CCBE1: variants seen among roughly 807,000 people sequenced by gnomAD.
CCBE1 encodes collagen and calcium binding EGF domains 1.
A neutral mutation model predicts 50.0 loss-of-function variants in CCBE1; 37 were observed. That is an observed-to-expected ratio of 0.74 (90% CI 0.57 to 0.97). CCBE1 has a LOEUF of 0.97. Ranked by LOEUF, CCBE1 falls within the 50% of genes least tolerant of loss-of-function variation. The pLI, the probability that CCBE1 is intolerant of heterozygous loss-of-function variation, is 0.00. For missense variants in CCBE1, 538 were observed against 523.8 expected (o/e 1.03, Z -0.26); for synonymous variants, 234 against 203.7 (o/e 1.15, Z -1.27).
chr18:59,465,762 A>C (rs1911712214), intron 5 of CCBE1: 1 of 152,196 alleles, frequency 6.6e-6, no homozygotes, highest in South Asian at 2.1e-4. Context: ...TGTTTACCTT[A>C]CAAGGAGATG....
At chr18:59,515,270 T>C (rs940435462) in intron 2 of CCBE1, among the ~76,000 whole-genome samples, 10 of 152,248 alleles carry the variant, frequency 6.6e-5, no homozygotes, top group Non-Finnish European at 1.0e-4. Context: ...CAGTCATGTT[T>C]TATTTGAAGA....
intron 2 of CCBE1, among the ~76,000 whole-genome samples, chr18:59,578,159 C>T (rs1487301456): frequency 6.6e-5 from 10 of 152,154 alleles, no homozygotes; most frequent in African/African-American, 2.4e-4. Context: ...ACAGACACTT[C>T]TTAAAAGAAG....
intron 7 of CCBE1, among the ~76,000 whole-genome samples, chr18:59,442,858 G>A (rs1197500919): frequency 1.3e-5 from 2 of 152,226 alleles, no homozygotes; most frequent in African/African-American, 4.8e-5. Flanking sequence ...GGAGTTCTCA[G>A]TAGGGGCTGC....
chr18:59,611,279 AAAG>A (rs1476945191), intron 2 of CCBE1, among the ~76,000 whole-genome samples: 1 of 152,254 alleles, frequency 6.6e-6, no homozygotes, highest in Non-Finnish European at 1.5e-5. Context: ...ACTAGAGAGA[AAAG>A]AAAGGAAAGG....
At chr18:59,683,633 G>T (rs916527893) in intron 2 of CCBE1, among the ~76,000 whole-genome samples, 1 of 152,174 alleles carries the variant, frequency 6.6e-6, no homozygotes, top group African/African-American at 2.4e-5. Flanking sequence ...AGGAGGTGGA[G>T]ATTGCTGTGA....
At chr18:59,654,649 G>A (rs1014627987) in intron 2 of CCBE1, among the ~76,000 whole-genome samples, 2 of 151,648 alleles carry the variant, frequency 1.3e-5, no homozygotes, top group Non-Finnish European at 1.5e-5. Flanking sequence ...AAAATTAGCC[G>A]GGCATGGTCG....
At chr18:59,599,975 A>T (rs2053408771) in intron 2 of CCBE1, among the ~76,000 whole-genome samples, 1 of 152,138 alleles carries the variant, frequency 6.6e-6, no homozygotes, top group African/African-American at 2.4e-5. Context: ...ACTCACCCTA[A>T]TCCCACAGAA....
At chr18:59,632,250 G>A (rs1412255875) in intron 2 of CCBE1, among the ~76,000 whole-genome samples, 2 of 152,098 alleles carry the variant, frequency 1.3e-5, no homozygotes, top group Non-Finnish European at 2.9e-5. Context: ...GGCAAGGAAG[G>A]GCTCATTTAT....
At chr18:59,567,308 A>G (rs752855234) in intron 2 of CCBE1, among the ~76,000 whole-genome samples, 1 of 151,730 alleles carries the variant, frequency 6.6e-6, no homozygotes. Context: ...AATTTTTTGT[A>G]TTTTTAGTAG....
At chr18:59,459,655 G>A (rs1911366295) in intron 5 of CCBE1, among the ~76,000 whole-genome samples, 1 of 152,200 alleles carries the variant, frequency 6.6e-6, no homozygotes, top group Admixed American at 6.5e-5. Context: ...ACCAAACAAT[G>A]TTCCTGAAAT....
intron 2 of CCBE1, among the ~76,000 whole-genome samples, chr18:59,551,953 T>C (rs1247197901): frequency 6.6e-6 from 1 of 152,198 alleles, no homozygotes; most frequent in Non-Finnish European, 1.5e-5. Context: ...TATTTGCTCA[T>C]TGCACTCCAT....
At chr18:59,459,624 T>G (rs1300241721) in intron 5 of CCBE1, among the ~76,000 whole-genome samples, 1 of 152,242 alleles carries the variant, frequency 6.6e-6, no homozygotes, top group African/African-American at 2.4e-5. Flanking sequence ...GAAGTTGTAA[T>G]GCCTTAGATA....
At chr18:59,522,038 A>T (rs1213211304) in intron 2 of CCBE1, among the ~76,000 whole-genome samples, 1 of 151,968 alleles carries the variant, frequency 6.6e-6, no homozygotes, top group African/African-American at 2.4e-5. Context: ...TTGAATTATA[A>T]ATCTTTTCTA....
At chr18:59,562,893 A>ATC (rs200758579) in intron 2 of CCBE1, among the ~76,000 whole-genome samples, 19 of 71,750 alleles carry the variant, frequency 2.6e-4, no homozygotes, top group Middle Eastern at 5.4e-3. Context: ...AGAGGTTTCG[A>ATC]TCTCGTTTGT....
chr18:59,534,928 A>G (rs1026660664), intron 2 of CCBE1, among the ~76,000 whole-genome samples: 1 of 152,230 alleles, frequency 6.6e-6, no homozygotes, highest in Non-Finnish European at 1.5e-5. Flanking sequence ...AAAACAGAAC[A>G]AAACTCATTT....
intron 2 of CCBE1, among the ~76,000 whole-genome samples, chr18:59,530,179 C>T (rs767619635): frequency 2.6e-5 from 4 of 152,070 alleles, no homozygotes; most frequent in Admixed American, 6.6e-5. Context: ...CTGACTGAGG[C>T]CCACTGGCAG....
At chr18:59,511,588 A>C (rs575355142) in intron 2 of CCBE1, among the ~76,000 whole-genome samples, 2 of 152,334 alleles carry the variant, frequency 1.3e-5, no homozygotes, top group Admixed American at 6.5e-5. Context: ...CCATCACCTT[A>C]AACATTTATC....
intron 2 of CCBE1, among the ~76,000 whole-genome samples, chr18:59,506,906 T>G (rs937497798): frequency 1.3e-5 from 2 of 152,240 alleles, no homozygotes; most frequent in African/African-American, 4.8e-5. Flanking sequence ...ATAGAAGATG[T>G]TGAAGTCCCA....
At chr18:59,673,016 A>T (rs2054455820) in intron 2 of CCBE1, among the ~76,000 whole-genome samples, 1 of 152,184 alleles carries the variant, frequency 6.6e-6, no homozygotes, top group Non-Finnish European at 1.5e-5. Context: ...TAAAAAAAAA[A>T]TTTAAGACTA....
Sources: gnomAD v4.1 joint callset for allele counts (sites outside exome capture counted in the v4.1 genomes callset) on GRCh38, gnomAD v4.1.1 for gene constraint, MANE v1.5 for transcripts, NCBI Gene and HGNC (gene_info 2026-07-23, HGNC 2026-07-21) for gene names.